Variants in ENOX1 observed in about 807,000 individuals in gnomAD.
The protein encoded by ENOX1 is ecto-NOX disulfide-thiol exchanger 1, also known as candidate growth-related and time keeping constitutive hydroquinone (NADH) oxidase.
In ENOX1, 42 loss-of-function variants were observed where a neutral mutation model predicts 82.5. That is an observed-to-expected ratio of 0.51 (90% CI 0.40 to 0.66). The LOEUF is 0.66. ENOX1 is among the 30% of genes least tolerant of loss of function. The probability of loss-of-function intolerance (pLI) is 0.00; values close to 1 mark genes in which losing one functional copy is unlikely to be tolerated. For missense variants in ENOX1, 608 were observed against 811.6 expected, an observed-to-expected ratio of 0.75 and a Z score of 3.05; for synonymous variants, 271 against 282.2, an observed-to-expected ratio of 0.96 and a Z score of 0.40.
chr13:43,607,597 A>G (rs958199313), intron 2 of ENOX1, among the ~76,000 whole-genome samples: 2 of 152,170 alleles, frequency 1.3e-5, no homozygotes, highest in African/African-American at 4.8e-5. Flanking sequence ...ATTACATATC[A>G]TCTGACCAAC....
intron 2 of ENOX1, among the ~76,000 whole-genome samples, chr13:43,614,714 A>C (rs2153741400): frequency 6.6e-6 from 1 of 152,208 alleles, no homozygotes; most frequent in East Asian, 1.9e-4. Context: ...CTAGGCTGTA[A>C]TGAACATTTT....
intron 3 of ENOX1, among the ~76,000 whole-genome samples, chr13:43,475,794 C>CAAAAA (rs10624980): frequency 0.012 from 814 of 70,250 alleles, 6 homozygotes; most frequent in Non-Finnish European, 0.014. Context: ...CATAACTGAC[C>CAAAAA]AAAAAAAAAA....
At chr13:43,442,575 T>G (rs138322681) in intron 3 of ENOX1, among the ~76,000 whole-genome samples, 336 of 152,284 alleles carry the variant, frequency 2.2e-3, no homozygotes, top group Non-Finnish European at 3.5e-3. Context: ...GCTCTGAATT[T>G]GGGCAGTCTG....
At chr13:43,565,854 C>T (rs865897622) in intron 2 of ENOX1, among the ~76,000 whole-genome samples, 21 of 152,124 alleles carry the variant, frequency 1.4e-4, no homozygotes, top group Non-Finnish European at 2.1e-4. Context: ...AAAAACCCCA[C>T]CATGCCATCC....
intron 2 of ENOX1, among the ~76,000 whole-genome samples, chr13:43,577,457 G>A (rs539484903): frequency 5.3e-4 from 81 of 152,264 alleles, no homozygotes; most frequent in African/African-American, 1.9e-3. Context: ...TAGATAGCAG[G>A]ACCAGTGTCT....
chr13:43,710,874 T>A (rs2087647655), intron 1 of ENOX1, among the ~76,000 whole-genome samples: 1 of 151,980 alleles, frequency 6.6e-6, no homozygotes, highest in Admixed American at 6.6e-5. Flanking sequence ...GAAATACCTT[T>A]TTTTTTTGGT....
intron 2 of ENOX1, among the ~76,000 whole-genome samples, chr13:43,622,406 C>G (rs2082775659): frequency 6.6e-6 from 1 of 152,164 alleles, no homozygotes; most frequent in Non-Finnish European, 1.5e-5. Context: ...GGGCTGAAGG[C>G]CATTGTTCAG....
intron 14 of ENOX1, among the ~76,000 whole-genome samples, chr13:43,262,558 G>C (rs150906630): frequency 7.9e-5 from 12 of 152,112 alleles, no homozygotes; most frequent in Non-Finnish European, 1.8e-4. Context: ...ACAGGGTCTC[G>C]CTCTGTCACC....
intron 1 of ENOX1, among the ~76,000 whole-genome samples, chr13:43,712,553 G>A (rs902828373): frequency 8.7e-5 from 13 of 149,736 alleles, no homozygotes; most frequent in African/African-American, 3.2e-4. Flanking sequence ...CCATGAGCAT[G>A]GAATGTTCTT....
At chr13:43,289,548 C>A (rs1377101484) in intron 12 of ENOX1, among the ~76,000 whole-genome samples, 2 of 152,102 alleles carry the variant, frequency 1.3e-5, no homozygotes, top group Non-Finnish European at 2.9e-5. Flanking sequence ...GACTCCTAAC[C>A]TTTCACTGTC....
intron 1 of ENOX1, among the ~76,000 whole-genome samples, chr13:43,746,823 T>G (rs1264278172): frequency 2.6e-5 from 4 of 152,174 alleles, no homozygotes; most frequent in Non-Finnish European, 1.5e-5. Context: ...CTAGTCAAGC[T>G]CAAAGTCATC....
At chr13:43,648,007 T>C (rs2153774070) in intron 2 of ENOX1, among the ~76,000 whole-genome samples, 1 of 152,256 alleles carries the variant, frequency 6.6e-6, no homozygotes, top group African/African-American at 2.4e-5. Flanking sequence ...AGCATGGATC[T>C]CCCCCAAAGT....
chr13:43,452,651 T>C (rs2057030293), intron 3 of ENOX1, among the ~76,000 whole-genome samples: 1 of 152,106 alleles, frequency 6.6e-6, no homozygotes, highest in South Asian at 2.1e-4. Flanking sequence ...GCCTCCCAAG[T>C]AGCTGGGATT....
At chr13:43,633,187 T>A (rs1479722194) in intron 2 of ENOX1, among the ~76,000 whole-genome samples, 1 of 152,158 alleles carries the variant, frequency 6.6e-6, no homozygotes, top group Non-Finnish European at 1.5e-5. Context: ...CTACTAACCA[T>A]GGAATTATAA....
intron 14 of ENOX1, among the ~76,000 whole-genome samples, chr13:43,249,585 A>G (rs1455201566): frequency 6.6e-6 from 1 of 152,126 alleles, no homozygotes; most frequent in African/African-American, 2.4e-5. Context: ...ATTTCTCAGT[A>G]TGACATTTCT....
At chr13:43,306,327 T>C (rs940425521) in intron 11 of ENOX1, among the ~76,000 whole-genome samples, 1 of 152,194 alleles carries the variant, frequency 6.6e-6, no homozygotes. Context: ...GGGGCACTTT[T>C]CCCCACTCTT....
chr13:43,490,528 T>TGTGATATTATTAAGA (rs1212398384), intron 2 of ENOX1, among the ~76,000 whole-genome samples: 4 of 152,146 alleles, frequency 2.6e-5, no homozygotes, highest in Non-Finnish European at 4.4e-5. Context: ...GTGTTGGCAA[T>TGTGATATTATTAAGA]GTGATATTAT....
chr13:43,706,122 T>A (rs2087266606), intron 1 of ENOX1, among the ~76,000 whole-genome samples: 1 of 151,706 alleles, frequency 6.6e-6, no homozygotes, highest in African/African-American at 2.4e-5. Flanking sequence ...CATATAAAAA[T>A]GTGTGAGATT....
intron 2 of ENOX1, among the ~76,000 whole-genome samples, chr13:43,588,032 G>A (rs1263852890): frequency 6.6e-6 from 1 of 152,082 alleles, no homozygotes; most frequent in Non-Finnish European, 1.5e-5. Flanking sequence ...ACAAAGCAAT[G>A]GAAAGGGAGA....
Sources: allele counts gnomAD v4.1 joint callset (sites outside exome capture counted in the v4.1 genomes callset), GRCh38; gene constraint gnomAD v4.1.1; transcripts MANE v1.5; gene names NCBI Gene and HGNC (gene_info 2026-07-23, HGNC 2026-07-21).